Variants in CACNA2D3 observed in about 807,000 individuals in gnomAD.
CACNA2D3 encodes the protein voltage-dependent calcium channel subunit alpha-2/delta-3.
A neutral mutation model predicts 160.6 loss-of-function variants in CACNA2D3; 60 were observed. The ratio of observed to expected loss-of-function variants is 0.37; its 90% CI spans 0.30 to 0.46. The LOEUF (loss-of-function observed/expected upper bound fraction) is 0.46, where lower values mean the gene tolerates loss of function less well. CACNA2D3 is among the 20% of genes least tolerant of loss of function. The pLI is 1.00. For missense variants in CACNA2D3, 1,205 were observed against 1,365.0 expected (o/e 0.88, Z 1.85); for synonymous variants, 558 against 492.9 (o/e 1.13, Z -1.75).
At chr3:54,656,932 A>G (rs140956366) in intron 11 of CACNA2D3, among the ~76,000 whole-genome samples, 8 of 152,314 alleles carry the variant, frequency 5.3e-5, no homozygotes, top group Non-Finnish European at 1.2e-4. Context: ...ACCACCAAAC[A>G]GGCTTTGTGT....
At chr3:54,952,941 A>G (rs1031494812) in intron 27 of CACNA2D3, among the ~76,000 whole-genome samples, 1 of 152,194 alleles carries the variant, frequency 6.6e-6, no homozygotes, top group Non-Finnish European at 1.5e-5. Context: ...AACTTTTCAT[A>G]GGGATTTGAA....
intron 2 of CACNA2D3, among the ~76,000 whole-genome samples, chr3:54,172,615 A>T (rs182145559): frequency 5.3e-5 from 8 of 152,324 alleles, no homozygotes; most frequent in Non-Finnish European, 8.8e-5. Flanking sequence ...GAATAAAAGT[A>T]TGTGAATTAG....
intron 2 of CACNA2D3, among the ~76,000 whole-genome samples, chr3:54,281,685 A>G (rs1028012605): frequency 2.6e-5 from 4 of 152,358 alleles, no homozygotes; most frequent in South Asian, 2.1e-4. Flanking sequence ...CTTGCTGGGA[A>G]TAAATAAATT....
chr3:54,789,709 T>G (rs1702709845), intron 13 of CACNA2D3: 1 of 435,750 alleles, frequency 2.3e-6, no homozygotes, highest in African/African-American at 2.0e-5. Flanking sequence ...TGCTATTTAA[T>G]TCTAGGTATA....
At chr3:55,069,554 A>G (rs548115355) in intron 35 of CACNA2D3, among the ~76,000 whole-genome samples, 2 of 152,302 alleles carry the variant, frequency 1.3e-5, no homozygotes, top group African/African-American at 4.8e-5. Context: ...TGCCAGTGTC[A>G]GGCTGTGGTT....
chr3:54,770,260 A>T (rs1212717977), intron 13 of CACNA2D3, among the ~76,000 whole-genome samples: 1 of 152,212 alleles, frequency 6.6e-6, no homozygotes, highest in Non-Finnish European at 1.5e-5. Flanking sequence ...AGTAATTCTC[A>T]ATGGCTAAAA....
intron 12 of CACNA2D3, among the ~76,000 whole-genome samples, chr3:54,755,470 A>G (rs1435219113): frequency 6.6e-6 from 1 of 152,192 alleles, no homozygotes; most frequent in Non-Finnish European, 1.5e-5. Context: ...CTCATCTACA[A>G]AAGGAAGGGC....
intron 2 of CACNA2D3, among the ~76,000 whole-genome samples, chr3:54,242,556 G>T (rs1340887284): frequency 6.6e-6 from 1 of 152,088 alleles, no homozygotes; most frequent in Non-Finnish European, 1.5e-5. Context: ...TAAAATAAGG[G>T]TTACTTGAAC....
intron 13 of CACNA2D3, 135 bp downstream of exon 13, chr3:54,764,486 T>C (rs1424845128): frequency 3.8e-6 from 4 of 1,055,048 alleles, no homozygotes; most frequent in Non-Finnish European, 5.3e-6. Context: ...TTGTATAGTG[T>C]TGGTCACCTT....
intron 17 of CACNA2D3, among the ~76,000 whole-genome samples, chr3:54,871,266 G>A (rs116420470): frequency 0.017 from 2,507 of 151,754 alleles, 72 homozygotes; most frequent in African/African-American, 0.057. Context: ...TGCATCTGGT[G>A]TTTTGGAAAC....
rs1235424739 is a variant in CACNA2D3, at chr3:54,123,530, C to T, written c.140C>T (p.Ser47Leu). The T allele has an allele frequency of 6.2e-7, 1 of 1,613,812 alleles. No homozygotes were observed. The highest frequency in any genetic ancestry group is 8.5e-7 in the Non-Finnish European group (1 of 1,179,788). The stretch of plus-strand genomic sequence containing the variant: ...CCCTGTAGGGTGAAGCTCTGGGCCT[C>T]GGCTTTTGGTGGGGAGATAAAATCC... ...IPLSVVKLWA[S>L]AFGGEIKSIA... Residue 47 changes from serine (S) to leucine (L), a missense_variant, in exon 2 of 38, where the codon TCG (serine) becomes TTG (leucine). Physicochemically the swap from Ser to Leu is moderately radical, Grantham distance 145. This residue lies in a region of CACNA2D3 where 163 missense variants were observed against 161.3 expected (regional missense o/e 1.01). Coordinates refer to ENST00000474759, the MANE Select transcript of CACNA2D3 (RefSeq NM_018398.3).
chr3:54,733,398 T>G (rs1701430973), intron 11 of CACNA2D3, among the ~76,000 whole-genome samples: 1 of 152,236 alleles, frequency 6.6e-6, no homozygotes, highest in African/African-American at 2.4e-5. Context: ...ATGAGTTTTC[T>G]GTATGGTGTT....
intron 5 of CACNA2D3, among the ~76,000 whole-genome samples, chr3:54,541,031 A>T (rs1701964583): frequency 1.3e-5 from 2 of 152,074 alleles, no homozygotes; most frequent in South Asian, 4.1e-4. Flanking sequence ...TAATCCCAGC[A>T]CTTTGGGAGG....
At chr3:54,877,325 G>A (rs531749500) in intron 18 of CACNA2D3, among the ~76,000 whole-genome samples, 1 of 152,330 alleles carries the variant, frequency 6.6e-6, no homozygotes, top group Non-Finnish European at 1.5e-5. Flanking sequence ...GTGAAAATGA[G>A]CAAGATGGTA....
chr3:55,011,597 A>G (rs1703213064), intron 34 of CACNA2D3, among the ~76,000 whole-genome samples: 1 of 152,180 alleles, frequency 6.6e-6, no homozygotes, highest in Non-Finnish European at 1.5e-5. Context: ...ATAACAAAAC[A>G]AGACAAAACC....
intron 2 of CACNA2D3, among the ~76,000 whole-genome samples, chr3:54,317,131 A>C (rs1001226727): frequency 6.6e-6 from 1 of 152,180 alleles, no homozygotes; most frequent in Non-Finnish European, 1.5e-5. Context: ...GCAGGCAGCA[A>C]AGAGCTCCTG....
intron 9 of CACNA2D3, among the ~76,000 whole-genome samples, chr3:54,601,052 C>T (rs1009928079): frequency 1.3e-5 from 2 of 152,156 alleles, no homozygotes; most frequent in African/African-American, 4.8e-5. Context: ...TGCCACATTT[C>T]CATTGTTAGA....
chr3:54,888,389 G>T (rs141125652), intron 24 of CACNA2D3, among the ~76,000 whole-genome samples: 2 of 152,172 alleles, frequency 1.3e-5, no homozygotes, highest in Non-Finnish European at 2.9e-5. Flanking sequence ...GGGAGCTTGG[G>T]ATCTGGGCCA....
chr3:54,247,933 A>G (rs1702112827), intron 2 of CACNA2D3, among the ~76,000 whole-genome samples: 1 of 152,144 alleles, frequency 6.6e-6, no homozygotes, highest in Non-Finnish European at 1.5e-5. Context: ...AAATATATTA[A>G]TATTTGGTAA....
Sources: allele counts gnomAD v4.1 joint callset (sites outside exome capture counted in the v4.1 genomes callset), GRCh38; gene constraint gnomAD v4.1.1; regional missense constraint gnomAD v4.1.1; transcripts MANE v1.5; gene names NCBI Gene and HGNC (gene_info 2026-07-23, HGNC 2026-07-21).